The following ITGAE variants were observed in gnomAD, a reference collection of about 807,000 sequenced individuals.
ITGAE encodes the protein integrin subunit alpha E, also known as integrin alpha-E.
Under a neutral mutation model 136.5 loss-of-function variants are expected in ITGAE, and 99 were observed. The observed-to-expected ratio is 0.73, with a 90% CI of 0.62 to 0.86. ITGAE has a LOEUF of 0.86. ITGAE is among the 40% of genes least tolerant of loss of function. ITGAE has a pLI of 0.00. For synonymous variants in ITGAE, 613 were observed against 591.8 expected (o/e 1.04, Z -0.52); for missense variants, 1,447 against 1,515.3 (o/e 0.95, Z 0.75).
At chr17:3,793,257 T>C (rs2052984646) in intron 1 of ITGAE, among the ~76,000 whole-genome samples, 1 of 152,178 alleles carries the variant, frequency 6.6e-6, no homozygotes, top group East Asian at 1.9e-4. Flanking sequence ...TTTCGCCATA[T>C]TGGCCAGGCT....
intron 21 of ITGAE, among the ~76,000 whole-genome samples, chr17:3,734,403 T>C (rs2051415961): frequency 6.6e-6 from 1 of 152,214 alleles, no homozygotes. Context: ...TTTTAGAGAA[T>C]AAAATTTCTC....
chr17:3,765,348 CAAAAAAAAAAA>C (rs66493976), intron 2 of ITGAE, among the ~76,000 whole-genome samples: 4 of 63,752 alleles, frequency 6.3e-5, no homozygotes. Context: ...GACTCTGTCT[CAAAAAAAAAAA>C]AAAAAAAAAA....
Position 3,714,781 on chromosome 17 carries a change from T to G in ITGAE, c.*66A>C. ...TAGATCATCCTGAAGGAAAAAGTAATGCAAAGGATGCTGGGTCTCCAAGTC... is the reference window on the plus strand; with the variant it reads ...TAGATCATCCTGAAGGAAAAAGTAAGGCAAAGGATGCTGGGTCTCCAAGTC... On this transcript the variant is annotated 3_prime_UTR_variant, in exon 31 of 31. Transcript: ENST00000263087. 2 of 870,908 alleles carry G rather than the reference T, an allele frequency of 2.3e-6. No homozygotes were observed. Among genetic ancestry groups the G allele is most frequent in the Non-Finnish European group, 3.8e-6 (2 of 526,558 alleles). The allele number at this position is 870,908 out of a possible 1,614,324, so 53.9% of individuals were successfully genotyped here. A position where few individuals can be genotyped will look rare whatever the true frequency, so the allele number is the denominator to read the frequency against.
chr17:3,795,805 TTG>T (rs1670930075), intron 1 of ITGAE, among the ~76,000 whole-genome samples: 1 of 143,010 alleles, frequency 7.0e-6, no homozygotes, highest in African/African-American at 2.6e-5. Context: ...CCGTGTGTGC[TTG>T]TGTGCATCCG....
chr17:3,785,492 GAAGGAGGAAGGA>G (rs1375106114), intron 1 of ITGAE, among the ~76,000 whole-genome samples: 35 of 134,976 alleles, frequency 2.6e-4, no homozygotes, highest in African/African-American at 9.5e-4. Flanking sequence ...AGGAAGGAAG[GAAGGAGGAAGGA>G]AGGAAGGAAG....
At position 3,801,186 on chromosome 17, in the gene ITGAE, T is replaced by C; in HGVS notation, c.-42A>G. 2 of 1,604,930 alleles carry C rather than the reference T, an allele frequency of 1.2e-6. No homozygotes were observed. Among genetic ancestry groups the C allele is most frequent in the Non-Finnish European group, 1.7e-6 (2 of 1,178,836 alleles). On this transcript the variant is annotated 5_prime_UTR_variant, in exon 1 of 31. Coordinates refer to ENST00000263087, the MANE Select transcript of ITGAE (RefSeq NM_002208.5). ...GCGGCTGTGTGGGAGCCGAGGCGAG[T>C]GCGACACATGGGCCGTGGCCCACTC...
chr17:3,740,530 C>T (rs2051560261), intron 19 of ITGAE, among the ~76,000 whole-genome samples: 1 of 152,214 alleles, frequency 6.6e-6, no homozygotes, highest in Non-Finnish European at 1.5e-5. Context: ...GCATGTGCCA[C>T]CACGCCTGGC....
intron 14 of ITGAE, 138 bp from the exon 15 acceptor site, chr17:3,752,012 G>A (rs2051883733): frequency 5.4e-6 from 4 of 739,238 alleles, no homozygotes; most frequent in South Asian, 5.2e-5. Flanking sequence ...GGGCCGGTGG[G>A]TTCCCACTCC....
At chr17:3,760,656 T>G (rs902280635) in intron 6 of ITGAE, among the ~76,000 whole-genome samples, 1 of 151,876 alleles carries the variant, frequency 6.6e-6, no homozygotes, top group Non-Finnish European at 1.5e-5. Flanking sequence ...GCCAGGCTGG[T>G]CTTGAACTCC....
intron 19 of ITGAE, among the ~76,000 whole-genome samples, chr17:3,741,241 C>A (rs1228170573): frequency 5.2e-5 from 5 of 95,902 alleles, no homozygotes; most frequent in African/African-American, 1.5e-4. Flanking sequence ...CCACGCCCAG[C>A]TAATTTTTTT....
At chr17:3,764,428 G>A (rs1374996229) in intron 2 of ITGAE, among the ~76,000 whole-genome samples, 1 of 152,230 alleles carries the variant, frequency 6.6e-6, no homozygotes, top group Admixed American at 6.5e-5. Flanking sequence ...CGGGCGCGGC[G>A]GCTCACGCCT....
intron 4 of ITGAE, 130 bp from the exon 5 acceptor site, chr17:3,761,650 C>T: frequency 2.4e-6 from 2 of 841,924 alleles, no homozygotes; most frequent in South Asian, 1.7e-5. Context: ...AGCTGGCCCA[C>T]CCCTCACCGG....
chr17:3,719,249 A>AG lies in ITGAE; in HGVS notation c.3333+1057_3333+1058insC, dbSNP rs1391665871. 4.2e-4 allele frequency among the ~76,000 whole-genome samples: 62 copies of AG among 146,276 alleles called. 1 individual carries two copies. The highest frequency in any genetic ancestry group is 3.4e-3 in the Middle Eastern group (1 of 290). On this transcript the variant is annotated intron_variant, in intron 29 of 30. Transcript: ENST00000263087. ...AGATTCTTCCTCAAAAAAAAAAAAAAAAAAAAAGAAAAGAAAAGAAAAAGA... is the reference window on the plus strand; with the variant it reads ...AGATTCTTCCTCAAAAAAAAAAAAAAGAAAAAAAGAAAAGAAAAGAAAAAGA...
At chr17:3,779,894 A>G (rs1218325299) in intron 1 of ITGAE, among the ~76,000 whole-genome samples, 1 of 152,200 alleles carries the variant, frequency 6.6e-6, no homozygotes, top group African/African-American at 2.4e-5. Context: ...GAGAAGGTTT[A>G]TCTCCCCCAG....
rs1355814875 is a variant in ITGAE at position 3,732,394 on chromosome 17, C to G, written c.2728G>C (p.Gly910Arg). 1.2e-6 allele frequency: 2 copies of G among 1,613,986 alleles called. No homozygotes were observed. Among genetic ancestry groups the G allele is most frequent in the South Asian group, 1.1e-5 (1 of 91,090 alleles). Residue 910 changes from glycine (G) to arginine (R), a missense_variant, in exon 22 of 31, where the codon GGT (glycine) becomes CGT (arginine). By Grantham distance (125) the Gly-to-Arg change is moderately radical (BLOSUM62 -2). Around this residue, in one of 3 missense-constraint regions of ITGAE, gnomAD observed 1,031 missense variants for 1,011.4 expected, o/e 1.02. Transcript: ENST00000263087. The part of the protein sequence containing the change: ...ASVLIMNCRI[G>R]HPVLKRSSAH... ...GATGACCTCTTGAGGACGGGGTGAC[C>G]AATCCTGCAGTTCATGATCAGGACA...
chr17:3,785,750 T>A (rs535828620), intron 1 of ITGAE, among the ~76,000 whole-genome samples: 1 of 150,672 alleles, frequency 6.6e-6, no homozygotes, highest in African/African-American at 2.4e-5. Context: ...AAGTTTTTTT[T>A]AAAGATTTTT....
At chr17:3,724,525 C>T in intron 26 of ITGAE, 1 of 1,614,026 alleles carries the variant, frequency 6.2e-7, no homozygotes, top group South Asian at 1.1e-5. Context: ...TGTCTGGTTG[C>T]AGCCTCAGCC....
At position 3,714,794 on chromosome 17, in the gene ITGAE, G is replaced by A. The variant is rs2050911988; in HGVS notation, c.*53C>T. 1.3e-5 allele frequency: 13 copies of A among 975,134 alleles called. 1 individual carries two copies. In the South Asian group the frequency reaches 1.7e-4, roughly 13 times the overall value. The allele number at this position is 975,134 out of a possible 1,614,324, so 60.4% of individuals were successfully genotyped here. A position where few individuals can be genotyped will look rare whatever the true frequency, so the allele number is the denominator to read the frequency against. On this transcript the variant is annotated 3_prime_UTR_variant, in exon 31 of 31. Coordinates refer to ENST00000263087, the MANE Select transcript of ITGAE (RefSeq NM_002208.5). ...AGGAAAAAGTAATGCAAAGGATGCT[G>A]GGTCTCCAAGTCCCAGGACTGGCTG...
rs986798959 is a variant in ITGAE at position 3,798,953 on chromosome 17, G to A, written c.34+2158C>T. ...TCCCTTAGACAACTGCTATTATTCC[G>A]TCTGCTGCCACAAATAAGAAGTAGG... On this transcript the variant is annotated intron_variant, in intron 1 of 30. Coordinates refer to ENST00000263087, the MANE Select transcript of ITGAE (RefSeq NM_002208.5). This position sits in a 1 kb window ranked among gnomAD's most constrained non-coding sequence, Gnocchi z 4.3. 1.1e-4 allele frequency among the ~76,000 whole-genome samples: 17 copies of A among 152,094 alleles called. No individual in the cohort carries two copies. The highest frequency in any genetic ancestry group is 1.8e-4 in the Non-Finnish European group (12 of 68,018).
Sources: allele counts gnomAD v4.1 joint callset (sites outside exome capture counted in the v4.1 genomes callset), GRCh38; gene constraint gnomAD v4.1.1; regional missense constraint gnomAD v4.1.1; non-coding constraint Gnocchi (gnomAD v3.1); transcripts MANE v1.5; gene names NCBI Gene and HGNC (gene_info 2026-07-23, HGNC 2026-07-21).